DHRSX: variants seen among roughly 807,000 people sequenced by gnomAD.
DHRSX encodes the protein dehydrogenase/reductase X-linked.
DHRSX carries 31 observed loss-of-function variants against 34.0 expected under a neutral mutation model. The ratio of observed to expected loss-of-function variants is 0.91; its 90% confidence interval spans 0.69 to 1.23. The LOEUF (loss-of-function observed/expected upper bound fraction) is 1.23, where lower values mean the gene tolerates loss of function less well. DHRSX is among the 50% of genes most tolerant of loss of function. The pLI, the probability that DHRSX is intolerant of heterozygous loss-of-function variation, is 0.00. For synonymous variants in DHRSX, 201 were observed against 183.8 expected, an observed-to-expected ratio of 1.09 and a Z score of -0.76; for missense variants, 414 against 428.1, an observed-to-expected ratio of 0.97 and a Z score of 0.29.
chrX:2,478,544 G>A (rs1245440298), intron 1 of DHRSX, among the ~76,000 whole-genome samples: 3 of 79,766 alleles, frequency 3.8e-5, no homozygotes, highest in African/African-American at 2.0e-4. Context: ...GACCACCAGT[G>A]TGTACACATT....
At chrX:2,361,475 T>C (rs1185354757) in intron 3 of DHRSX, among the ~76,000 whole-genome samples, 2 of 152,174 alleles carry the variant, frequency 1.3e-5, no homozygotes, top group Non-Finnish European at 2.9e-5. Flanking sequence ...GTACAAACTA[T>C]AGAATCCACA....
chrX:2,343,125 C>T (rs185579627), intron 3 of DHRSX, among the ~76,000 whole-genome samples: 409 of 152,240 alleles, frequency 2.7e-3, no homozygotes, highest in Non-Finnish European at 4.5e-3. Flanking sequence ...GACAGCCTCC[C>T]CTCTGACCAG....
chrX:2,470,219 G>C (rs952206834), intron 1 of DHRSX, among the ~76,000 whole-genome samples: 12 of 151,000 alleles, frequency 7.9e-5, no homozygotes, highest in Non-Finnish European at 1.2e-4. Context: ...AGAGTGCAAT[G>C]GTGGTTGCCA....
chrX:2,345,319 C>G (rs2042691366), intron 3 of DHRSX, among the ~76,000 whole-genome samples: 1 of 151,764 alleles, frequency 6.6e-6, no homozygotes, highest in African/African-American at 2.4e-5. Flanking sequence ...GGTGGGTAGG[C>G]CTGGTCTAAT....
intron 1 of DHRSX, among the ~76,000 whole-genome samples, chrX:2,472,629 C>T (rs1332527325): frequency 6.6e-6 from 1 of 152,026 alleles, no homozygotes; most frequent in African/African-American, 2.4e-5. Context: ...ATCAGCCGAG[C>T]ATGGTGGCGC....
chrX:2,271,012 T>A (rs2041545896), intron 4 of DHRSX, among the ~76,000 whole-genome samples: 1 of 152,136 alleles, frequency 6.6e-6, no homozygotes, highest in African/African-American at 2.4e-5. Flanking sequence ...AATAAGGGAA[T>A]AAAAGCTGGC....
intron 1 of DHRSX, chrX:2,488,800 G>A (rs752860898): frequency 5.6e-6 from 9 of 1,613,868 alleles, no homozygotes; most frequent in South Asian, 1.1e-5. Context: ...GCTCGTCCAC[G>A]TGCGCGGGAG....
chrX:2,407,232 T>C (rs1445361619), intron 3 of DHRSX, among the ~76,000 whole-genome samples: 4 of 152,210 alleles, frequency 2.6e-5, no homozygotes, highest in Non-Finnish European at 4.4e-5. Flanking sequence ...AGACTTTGGC[T>C]GAGCGACGGA....
intron 3 of DHRSX, among the ~76,000 whole-genome samples, chrX:2,371,380 GTTACCACAGTCCCCCCTTCTCACA>G (rs1245262454): frequency 2.1e-5 from 1 of 46,626 alleles, no homozygotes; most frequent in Non-Finnish European, 4.8e-5. Context: ...TAGACCCTCC[GTTACCACAGTCCCCCCTTCTCACA>G]TTACCATAGT....
chrX:2,432,050 G>A (rs2043931285), intron 1 of DHRSX, among the ~76,000 whole-genome samples: 1 of 152,034 alleles, frequency 6.6e-6, no homozygotes, highest in Non-Finnish European at 1.5e-5. Context: ...ATTTAGCTGG[G>A]CGTGGTGGTG....
In DHRSX at chrX:2,500,813, T is replaced by C; in HGVS notation, c.109+4A>G. On this transcript the variant is annotated splice_donor_region_variant and intron_variant, in intron 1 of 6. Transcript: ENST00000334651. ...AGCCCTGACCCCTGCCCCGCCCCGC[T>C]GACCTGGCTCCAGGAAGCCCCCGCG... The C allele has an allele frequency of 9.5e-7, 1 of 1,055,538 alleles. No homozygotes were observed. Among genetic ancestry groups the C allele is most frequent in the Non-Finnish European group, 1.1e-6 (1 of 882,992 alleles). 65.4% of individuals were successfully genotyped at this position (1,055,538 alleles called of 1,614,324 possible).
intron 3 of DHRSX, among the ~76,000 whole-genome samples, chrX:2,342,723 A>G (rs2042656382): frequency 6.6e-6 from 1 of 152,172 alleles, no homozygotes; most frequent in African/African-American, 2.4e-5. Context: ...CGCTCATAGC[A>G]TCGACATAAC....
intron 5 of DHRSX, among the ~76,000 whole-genome samples, chrX:2,250,843 G>T (rs1378112044): frequency 6.6e-6 from 1 of 152,082 alleles, no homozygotes; most frequent in Non-Finnish European, 1.5e-5. Flanking sequence ...TGGTTCTAAT[G>T]CCTCTGAAAA....
At chrX:2,255,058 G>A (rs1461533469) in intron 5 of DHRSX, among the ~76,000 whole-genome samples, 3 of 148,032 alleles carry the variant, frequency 2.0e-5, no homozygotes, top group African/African-American at 5.0e-5. Flanking sequence ...TCCACCTCCC[G>A]GGTTCAAGTG....
intron 2 of DHRSX, among the ~76,000 whole-genome samples, chrX:2,418,093 C>T (rs1040381060): frequency 8.6e-5 from 13 of 151,858 alleles, no homozygotes; most frequent in Admixed American, 7.2e-4. Context: ...AGTGACCTAG[C>T]CCAACAAGAT....
chrX:2,455,071 A>G (rs944580432), intron 1 of DHRSX, among the ~76,000 whole-genome samples: 1 of 151,262 alleles, frequency 6.6e-6, no homozygotes, highest in African/African-American at 2.4e-5. Context: ...AAGATCACAC[A>G]ATTGAACTCC....
intron 3 of DHRSX, among the ~76,000 whole-genome samples, chrX:2,399,750 A>C (rs1193730278): frequency 4.7e-5 from 7 of 148,498 alleles, no homozygotes; most frequent in East Asian, 2.0e-4. Flanking sequence ...AAACAAAAAA[A>C]CACAGGGGCT....
At chrX:2,403,812 C>T (rs2043518795) in intron 3 of DHRSX, among the ~76,000 whole-genome samples, 2 of 149,310 alleles carry the variant, frequency 1.3e-5, no homozygotes, top group East Asian at 2.0e-4. Flanking sequence ...GCCGAGATCA[C>T]ACCACTGCAT....
intron 5 of DHRSX, among the ~76,000 whole-genome samples, chrX:2,246,427 T>A (rs1174336016): frequency 6.6e-6 from 1 of 151,848 alleles, no homozygotes; most frequent in Admixed American, 6.6e-5. Context: ...TTTGAGACCA[T>A]CCTGGTTAAC....
Sources: gnomAD v4.1 joint callset for allele counts (sites outside exome capture counted in the v4.1 genomes callset) on GRCh38, gnomAD v4.1.1 for gene constraint, MANE v1.5 for transcripts, NCBI Gene and HGNC (gene_info 2026-07-23, HGNC 2026-07-21) for gene names.